Variants in ERG observed in about 807,000 individuals in gnomAD.
The protein encoded by ERG is transcriptional regulator ERG.
Under a neutral mutation model 55.3 loss-of-function variants are expected in ERG, and 9 were observed. The ratio of observed to expected loss-of-function variants is 0.16; its 90% confidence interval spans 0.10 to 0.28. The LOEUF is 0.28. Ranked by LOEUF, ERG falls within the 10% of genes least tolerant of loss-of-function variation. The pLI, the probability that ERG is intolerant of heterozygous loss-of-function variation, is 1.00. For synonymous variants in ERG, 223 were observed against 237.3 expected, an observed-to-expected ratio of 0.94 and a Z score of 0.55; for missense variants, 434 against 631.6, an observed-to-expected ratio of 0.69 and a Z score of 3.35.
intron 2 of ERG, among the ~76,000 whole-genome samples, chr21:38,551,299 T>A (rs1333207404): frequency 6.6e-6 from 1 of 152,076 alleles, no homozygotes; most frequent in Non-Finnish European, 1.5e-5. Flanking sequence ...AAAACCAACT[T>A]TTATTTTTGT....
At chr21:38,660,430 C>A (rs1175708648) in intron 1 of ERG, 1 of 152,440 alleles carries the variant, frequency 6.6e-6, no homozygotes, top group Non-Finnish European at 1.5e-5. Flanking sequence ...CAGAGTGAGC[C>A]CCTAGGGCCA....
intron 2 of ERG, among the ~76,000 whole-genome samples, chr21:38,550,653 G>A (rs541922268): frequency 5.3e-5 from 8 of 152,308 alleles, no homozygotes; most frequent in Admixed American, 3.3e-4. Context: ...TGAGAAATAA[G>A]TTTCTGTTGT....
chr21:38,575,624 G>A, intron 2 of ERG: 1 of 1,505,036 alleles, frequency 6.6e-7, no homozygotes, highest in Non-Finnish European at 9.3e-7. Flanking sequence ...AGGCACAGAG[G>A]AAGGCAGAGC....
At chr21:38,462,366 T>C (rs1440526155) in intron 1 of ERG, among the ~76,000 whole-genome samples, 1 of 84,496 alleles carries the variant, frequency 1.2e-5, no homozygotes, top group Non-Finnish European at 3.0e-5. Context: ...ATAATGCATA[T>C]ACACAATTTT....
intron 1 of ERG, among the ~76,000 whole-genome samples, chr21:38,486,968 T>C (rs892976803): frequency 6.6e-6 from 1 of 152,184 alleles, no homozygotes; most frequent in African/African-American, 2.4e-5. Context: ...ACTGACTCTC[T>C]TCTACAGATG....
intron 1 of ERG, among the ~76,000 whole-genome samples, chr21:38,656,608 A>T (rs2060520764): frequency 6.6e-6 from 1 of 152,144 alleles, no homozygotes; most frequent in Non-Finnish European, 1.5e-5. Context: ...CCAAGAATGC[A>T]TAGCCACTCT....
Position 38,383,079 on chromosome 21 carries a change from C to G in ERG, c.*324G>C, listed in dbSNP as rs949406136. 32 of 1,115,170 alleles carry G rather than the reference C, an allele frequency of 2.9e-5. No individual in the cohort carries two copies. The highest frequency in any genetic ancestry group is 3.5e-5 in the Non-Finnish European group (32 of 913,568). 69.1% of individuals were successfully genotyped at this position (1,115,170 alleles called of 1,614,324 possible). A position where few individuals can be genotyped will look rare whatever the true frequency, so the allele number is the denominator to read the frequency against. The stretch of plus-strand genomic sequence containing the variant: ...CATTAGTGGGATTCCAAACTCTACT[C>G]TAAAGTTTATACATTTCTTAAGACC... On this transcript the variant is annotated 3_prime_UTR_variant, in exon 10 of 10. Transcript: ENST00000288319. The surrounding 1 kb of genome is among the most constrained non-coding windows in gnomAD (Gnocchi z 5.7).
intron 2 of ERG, among the ~76,000 whole-genome samples, chr21:38,510,588 A>G (rs913550038): frequency 9.2e-5 from 14 of 152,200 alleles, no homozygotes; most frequent in Non-Finnish European, 1.5e-4. Context: ...GTGGAACGAC[A>G]CTAACAATAG....
At chr21:38,585,707 C>T (rs188873869), upstream of ERG, among the ~76,000 whole-genome samples, 193 of 152,000 alleles carry the variant, frequency 1.3e-3, no homozygotes, top group Middle Eastern at 0.024. Context: ...TTAAGCACTG[C>T]ATCAAATCAA....
intron 2 of ERG, among the ~76,000 whole-genome samples, chr21:38,431,755 C>T (rs932142828): frequency 3.3e-5 from 5 of 152,162 alleles, no homozygotes; most frequent in African/African-American, 4.8e-5. Flanking sequence ...GAGTTTTTCT[C>T]GGGGCTTCTC....
chr21:38,425,307 C>G (rs577588962), intron 2 of ERG, among the ~76,000 whole-genome samples: 11 of 151,818 alleles, frequency 7.2e-5, no homozygotes, highest in Non-Finnish European at 1.3e-4. Context: ...ATCCCTTGAA[C>G]CTGGGAGGTT....
intron 2 of ERG, among the ~76,000 whole-genome samples, chr21:38,541,022 A>C (rs2146795030): frequency 6.7e-6 from 1 of 149,792 alleles, no homozygotes; most frequent in South Asian, 2.2e-4. Context: ...GAAGGGAAGG[A>C]AGCAGGAATT....
chr21:38,537,440 A>AT, intron 2 of ERG, among the ~76,000 whole-genome samples: 1 of 85,128 alleles, frequency 1.2e-5, no homozygotes, highest in African/African-American at 5.5e-5. Context: ...CCAGAAAAAA[A>AT]AATATATATA....
At chr21:38,634,667 A>G (rs898253099) in intron 1 of ERG, among the ~76,000 whole-genome samples, 1 of 152,200 alleles carries the variant, frequency 6.6e-6, no homozygotes, top group African/African-American at 2.4e-5. Flanking sequence ...CGAAGACCCA[A>G]TATTCCATTG....
chr21:38,382,402 T>C lies in ERG; in HGVS notation c.*1001A>G. On this transcript the variant is annotated 3_prime_UTR_variant, in exon 10 of 10. Transcript: ENST00000288319. Reference sequence around the variant, plus strand: ...TGTGGAGAACAAAGCCCCCACATAATGATGAGGTCCTGAATGTTTCTCTTA... The same window carrying C: ...TGTGGAGAACAAAGCCCCCACATAACGATGAGGTCCTGAATGTTTCTCTTA... 3 of 1,060,726 alleles carry C rather than the reference T, an allele frequency of 2.8e-6. No homozygotes were observed. Among genetic ancestry groups the C allele is most frequent in the Non-Finnish European group, 3.4e-6 (3 of 876,056 alleles). 65.7% of individuals were successfully genotyped at this position (1,060,726 alleles called of 1,614,324 possible).
chr21:38,503,760 T>C (rs912491804), intron 2 of ERG, among the ~76,000 whole-genome samples: 2 of 152,158 alleles, frequency 1.3e-5, no homozygotes, highest in Admixed American at 6.5e-5. Flanking sequence ...GCCAGGAACA[T>C]GCCTGAGATT....
chr21:38,531,483 C>A (rs2050497011), intron 2 of ERG, among the ~76,000 whole-genome samples: 2 of 152,054 alleles, frequency 1.3e-5, no homozygotes, highest in Admixed American at 1.3e-4. Context: ...ACTTCTCAGA[C>A]TCGCCAGAGG....
chr21:38,409,045 T>C lies in ERG; in HGVS notation c.389-5336A>G, dbSNP rs570424119. 3.7e-4 allele frequency among the ~76,000 whole-genome samples: 56 copies of C among 152,290 alleles called. No individual in the cohort carries two copies. In the South Asian group the frequency reaches 0.01, roughly 28 times the overall value. ...AATAGGATAAGAACTAAGATAGATT[T>C]AATTCAAGTAAAAGTCATTAAGCAT... On this transcript the variant is annotated intron_variant, in intron 3 of 9. Transcript: ENST00000288319.
At chr21:38,477,007 CTTTTT>C (rs397867221) in intron 1 of ERG, among the ~76,000 whole-genome samples, 3 of 84,166 alleles carry the variant, frequency 3.6e-5, no homozygotes, top group Non-Finnish European at 6.3e-5. Context: ...TCTTTCTTTC[CTTTTT>C]TTTTTTTTTT....
Sources: allele counts gnomAD v4.1 joint callset (sites outside exome capture counted in the v4.1 genomes callset), GRCh38; gene constraint gnomAD v4.1.1; non-coding constraint Gnocchi (gnomAD v3.1); transcripts MANE v1.5; gene names NCBI Gene and HGNC (gene_info 2026-07-23, HGNC 2026-07-21).